The following LUC7L variants were observed in gnomAD, a reference collection of about 807,000 sequenced individuals.
LUC7L encodes the protein LUC7 like, also known as putative RNA-binding protein Luc7-like 1.
LUC7L carries 29 observed loss-of-function variants against 51.1 expected under a neutral mutation model. The ratio of observed to expected loss-of-function variants is 0.57; its 90% CI spans 0.42 to 0.77. The LOEUF is 0.77. LUC7L is among the 30% of genes least tolerant of loss of function. The pLI is 0.00. For missense variants in LUC7L, 403 were observed against 511.9 expected (o/e 0.79, Z 2.05); for synonymous variants, 181 against 180.7 (o/e 1.00, Z -0.01).
At position 199,051 on chromosome 16, in the gene LUC7L, G is replaced by A. The variant is rs780451095; in HGVS notation, c.687+11C>T. ...GACTCCTCAGCTTTCTCCAGAAACA[G>A]ATGAACATACCCTCAACTGATCAAG... is the stretch of plus-strand genomic sequence containing the variant. On this transcript the variant is annotated intron_variant, in intron 6 of 9. Transcript: ENST00000293872. 1.3e-6 allele frequency: 2 copies of A among 1,578,590 alleles called. No individual in the cohort carries two copies. Among genetic ancestry groups the A allele is most frequent in the East Asian group, 2.3e-5 (1 of 44,012 alleles).
intron 2 of LUC7L, among the ~76,000 whole-genome samples, chr16:223,527 T>C (rs1446095822): frequency 6.6e-6 from 1 of 152,192 alleles, no homozygotes; most frequent in African/African-American, 2.4e-5. Flanking sequence ...TTTATCATTC[T>C]TACTCTGAAG....
intron 5 of LUC7L, among the ~76,000 whole-genome samples, chr16:201,333 T>C (rs145757552): frequency 0.012 from 1,837 of 152,054 alleles, 25 homozygotes; most frequent in Non-Finnish European, 0.018. Flanking sequence ...TCTATAGTTT[T>C]GAAACCTTAA....
chr16:193,960 C>T (rs1203347342), intron 6 of LUC7L, among the ~76,000 whole-genome samples: 6 of 151,734 alleles, frequency 4.0e-5, no homozygotes, highest in Non-Finnish European at 8.8e-5. Context: ...CCCGGCACTG[C>T]GCCCGGCTAA....
At chr16:227,883 G>T (rs1317091796) in intron 1 of LUC7L, 14 of 1,000,544 alleles carry the variant, frequency 1.4e-5, no homozygotes, top group Non-Finnish European at 1.7e-5. Context: ...CCTTAAAAAA[G>T]AGAGTTGCTA....
intron 3 of LUC7L, among the ~76,000 whole-genome samples, chr16:218,578 G>A (rs1031521234): frequency 6.6e-6 from 1 of 151,932 alleles, no homozygotes; most frequent in African/African-American, 2.4e-5. Context: ...AAAATCAGCT[G>A]GGTGTGGTGG....
At chr16:203,975 C>A (rs915695513) in intron 5 of LUC7L, among the ~76,000 whole-genome samples, 3 of 152,064 alleles carry the variant, frequency 2.0e-5, no homozygotes, top group Non-Finnish European at 2.9e-5. Context: ...GAGATCACGC[C>A]ACTGCACTCC....
rs758076454 is a variant in LUC7L at position 208,203 on chromosome 16, G to A, written c.256-15C>T. Reference sequence around the variant, plus strand: ...TGATCCATTGCCTAGCACGGGAAAAGCACAGCGCTATAATCAATGATGTGT... The same window carrying A: ...TGATCCATTGCCTAGCACGGGAAAAACACAGCGCTATAATCAATGATGTGT... On this transcript the variant is annotated splice_polypyrimidine_tract_variant and intron_variant, in intron 3 of 9. Coordinates refer to ENST00000293872, the MANE Select transcript of LUC7L (RefSeq NM_201412.3). The A allele has an allele frequency of 1.9e-6, 3 of 1,552,626 alleles. No homozygotes were observed. In the South Asian group the frequency reaches 3.3e-5, roughly 17 times the overall value.
chr16:225,519 T>C (rs1286830703), intron 2 of LUC7L, among the ~76,000 whole-genome samples: 1 of 126,234 alleles, frequency 7.9e-6, no homozygotes, highest in Non-Finnish European at 1.6e-5. Context: ...AGAGTTTTGC[T>C]CTTGTTGCCC....
At chr16:211,552 T>G (rs1363289906) in intron 3 of LUC7L, among the ~76,000 whole-genome samples, 1 of 152,224 alleles carries the variant, frequency 6.6e-6, no homozygotes, top group Non-Finnish European at 1.5e-5. Context: ...TCTGTTCTAC[T>G]GCCCTCTCCC....
At chr16:189,368 G>A in intron 9 of LUC7L, 29 bp from the exon 10 acceptor site, 1 of 1,591,134 alleles carries the variant, frequency 6.3e-7, no homozygotes, top group Non-Finnish European at 8.5e-7. Flanking sequence ...AGGCTCAGTG[G>A]AGGCTGCTGC....
At chr16:213,904 T>TG (rs1469583293) in intron 3 of LUC7L, among the ~76,000 whole-genome samples, 1 of 150,996 alleles carries the variant, frequency 6.6e-6, no homozygotes, top group African/African-American at 2.4e-5. Flanking sequence ...TTAGTAGAGA[T>TG]GGGGTCTCAC....
rs1309418107 is a variant in LUC7L at position 189,324 on chromosome 16, C to T, written c.990G>A (p.Arg330=). Residue 330 remains arginine, a synonymous_variant, in exon 10 of 10, where the codon CGG becomes CGA. Transcript: ENST00000293872. ...RSAKYKFSRE[R]ASREESWESG... ...TCTCCCAGGACTCCTCTCTGGATGC[C>T]CGCTCTCTGGAGAACCTGGGAAATG... 1 of 1,610,980 alleles carries T rather than the reference C, an allele frequency of 6.2e-7. No individual in the cohort carries two copies. The highest frequency in any genetic ancestry group is 8.5e-7 in the Non-Finnish European group (1 of 1,178,974).
intron 6 of LUC7L, among the ~76,000 whole-genome samples, chr16:195,391 T>G (rs2049121103): frequency 6.6e-6 from 1 of 151,452 alleles, no homozygotes; most frequent in African/African-American, 2.4e-5. Flanking sequence ...TACCATCACA[T>G]CAGTACACTC....
intron 2 of LUC7L, among the ~76,000 whole-genome samples, chr16:221,864 A>G (rs776578777): frequency 2.0e-5 from 3 of 152,232 alleles, no homozygotes; most frequent in Non-Finnish European, 2.9e-5. Context: ...TGGCAATTAC[A>G]TCACAACCTA....
chr16:199,521 C>T (rs1356114116), intron 5 of LUC7L, among the ~76,000 whole-genome samples: 1 of 152,116 alleles, frequency 6.6e-6, no homozygotes. Context: ...CCTGTAATCC[C>T]AGCACTTTGG....
At chr16:227,502 T>C in intron 1 of LUC7L, 166 bp from the exon 2 acceptor site, 1 of 1,439,408 alleles carries the variant, frequency 6.9e-7, no homozygotes, top group South Asian at 1.4e-5. Flanking sequence ...TGGAGTGGAA[T>C]ACACATTTTT....
chr16:192,991 TCTC>T lies in LUC7L; in HGVS notation c.709_711del (p.Glu237del), dbSNP rs756058279. 33 of 1,613,326 alleles carry T rather than the reference TCTC, an allele frequency of 2.0e-5. No individual in the cohort carries two copies. Among genetic ancestry groups the T allele is most frequent in the Middle Eastern group, 1.7e-4 (1 of 6,032 alleles). ...CTCCTCAAGCGATCCTGATTTCTCT[TCTC>T]CTGCTTTTCAGCGACAGTTTTCTAA... is the stretch of plus-strand genomic sequence containing the variant. On this transcript the variant is annotated inframe_deletion, in exon 7 of 10. Transcript: ENST00000293872.
chr16:222,398 G>C (rs1011991279), intron 2 of LUC7L, among the ~76,000 whole-genome samples: 1 of 151,814 alleles, frequency 6.6e-6, no homozygotes, highest in Non-Finnish European at 1.5e-5. Context: ...ACACCTTTGG[G>C]AGGGCAAGAT....
At chr16:190,176 G>T in intron 8 of LUC7L, 41 bp from the exon 9 acceptor site, 2 of 1,553,954 alleles carry the variant, frequency 1.3e-6, no homozygotes, top group East Asian at 2.3e-5. Context: ...CTCTATAGGT[G>T]CCAACACTAT....
Sources: allele counts gnomAD v4.1 joint callset (sites outside exome capture counted in the v4.1 genomes callset), GRCh38; gene constraint gnomAD v4.1.1; transcripts MANE v1.5; gene names NCBI Gene and HGNC (gene_info 2026-07-23, HGNC 2026-07-21).